Variants in DCHS1 observed in about 807,000 individuals in gnomAD.
The protein encoded by DCHS1 is dachsous cadherin-related 1.
Under a neutral mutation model 213.9 loss-of-function variants are expected in DCHS1, and 78 were observed. The observed-to-expected ratio is 0.36, with a 90% CI of 0.30 to 0.44. DCHS1 has a LOEUF of 0.44. DCHS1 is among the 20% of genes least tolerant of loss of function. The probability of loss-of-function intolerance (pLI) is 1.00; values close to 1 mark genes in which losing one functional copy is unlikely to be tolerated. For missense variants in DCHS1, 3,946 were observed against 4,395.9 expected, an observed-to-expected ratio of 0.90 and a Z score of 2.89; for synonymous variants, 1,828 against 1,873.7, an observed-to-expected ratio of 0.98 and a Z score of 0.63.
chr11:6,649,582 C>T (rs1856214884), intron 1 of DCHS1, among the ~76,000 whole-genome samples: 1 of 152,080 alleles, frequency 6.6e-6, no homozygotes, highest in African/African-American at 2.4e-5. Context: ...TCAACAAATA[C>T]TTGTTGAAGA....
Position 6,634,325 on chromosome 11 carries a change from G to A in DCHS1, c.1798-19C>T. The A allele has an allele frequency of 1.9e-6, 3 of 1,565,448 alleles. No homozygotes were observed. Among genetic ancestry groups the A allele is most frequent in the Non-Finnish European group, 2.6e-6 (3 of 1,153,262 alleles). On this transcript the variant is annotated intron_variant, in intron 2 of 20. Coordinates refer to ENST00000299441, the MANE Select transcript of DCHS1 (RefSeq NM_003737.4). ...CTGTCACCTAGGGAGAGGCTGGGGT[G>A]AGTGGTGTCCCCTCTTCTTTGCCAG...
rs186255064 is a variant in DCHS1, at chr11:6,632,989, C to G, written c.2523G>C (p.Ala841=). 1 of 1,613,758 alleles carries G rather than the reference C, an allele frequency of 6.2e-7. No homozygotes were observed. Among genetic ancestry groups the G allele is most frequent in the African/African-American group, 1.3e-5 (1 of 74,904 alleles). ...GDPRGLFSLD[A]VSGLLQTLRP... Reference sequence around the variant, plus strand: ...GAAGTGTTTGCAACAGTCCTGATACCGCATCTAGGGAGAAGAGTCCTCGGG... The same window carrying G: ...GAAGTGTTTGCAACAGTCCTGATACGGCATCTAGGGAGAAGAGTCCTCGGG... Residue 841 remains alanine, a synonymous_variant, in exon 6 of 21, where the codon GCG becomes GCC. Transcript: ENST00000299441. This position sits in a 1 kb window ranked among gnomAD's most constrained non-coding sequence, Gnocchi z 5.9.
In DCHS1 at chr11:6,628,476, C is replaced by A. The variant is rs1227944098; in HGVS notation, c.5371+145G>T. On this transcript the variant is annotated intron_variant, in intron 13 of 20. Transcript: ENST00000299441. This position sits in a 1 kb window ranked among gnomAD's most constrained non-coding sequence, Gnocchi z 4.3. ...GCATGGAATGAGATACCTAGCTACA[C>A]TGGGTATAAGCATGAAAGAAAAGGT... is the stretch of plus-strand genomic sequence containing the variant. 6 of 782,346 alleles carry A rather than the reference C, an allele frequency of 7.7e-6. No individual in the cohort carries two copies. Among genetic ancestry groups the A allele is most frequent in the South Asian group, 1.7e-5 (1 of 58,894 alleles). The allele number at this position is 782,346 out of a possible 1,614,324, so 48.5% of individuals were successfully genotyped here.
chr11:6,636,932 A>T (rs2659867), intron 2 of DCHS1, among the ~76,000 whole-genome samples: 67,988 of 151,948 alleles, frequency 0.45, 15,387 homozygotes, highest in Non-Finnish European at 0.47. Context: ...CCTAAATCCG[A>T]CCAGCCCAAA....
Position 6,628,275 on chromosome 11 carries a change from T to C in DCHS1, c.5371+346A>G, listed in dbSNP as rs891884300. Among the ~76,000 whole-genome samples, 3 of 152,254 alleles carry C rather than the reference T, an allele frequency of 2.0e-5. No individual in the cohort carries two copies. Among genetic ancestry groups the C allele is most frequent in the African/African-American group, 7.2e-5 (3 of 41,462 alleles). On this transcript the variant is annotated intron_variant, in intron 13 of 20. Coordinates refer to ENST00000299441, the MANE Select transcript of DCHS1 (RefSeq NM_003737.4). This position sits in a 1 kb window ranked among gnomAD's most constrained non-coding sequence, Gnocchi z 4.3. ...TTTTAACATCATCTCAGTTTTATTATCTAATACAGTAAATACTGATATAAT... is the reference window on the plus strand; with the variant it reads ...TTTTAACATCATCTCAGTTTTATTACCTAATACAGTAAATACTGATATAAT...
At position 6,632,762 on chromosome 11, in the gene DCHS1, C is replaced by T. The variant is rs762213705; in HGVS notation, c.2750G>A (p.Arg917Gln). Residue 917 changes from arginine to glutamine, a missense_variant, in exon 6 of 21, where the codon CGG becomes CAG. This residue lies in a region of DCHS1 where 3,384 missense variants were observed against 3,780.1 expected (regional missense o/e 0.90). Transcript: ENST00000299441. The surrounding 1 kb of genome is among the most constrained non-coding windows in gnomAD (Gnocchi z 5.9). ...AACACCTGAGTCGGGGTCAAGAGCCCGCAGTGTATAGATGGGAGTCCCTGG... is the reference window on the plus strand; with the variant it reads ...AACACCTGAGTCGGGGTCAAGAGCCTGCAGTGTATAGATGGGAGTCCCTGG... ...TAPGTPIYTLRALDPDSGVNS... is the reference protein window; with the variant it reads ...TAPGTPIYTLQALDPDSGVNS... 30 of 1,612,832 alleles carry T rather than the reference C, an allele frequency of 1.9e-5. No individual in the cohort carries two copies. The East Asian group carries it at 2.7e-4, about 14-fold the overall frequency.
chr11:6,626,090 G>A lies in DCHS1; in HGVS notation c.6577-16C>T. On this transcript the variant is annotated splice_polypyrimidine_tract_variant and intron_variant, in intron 16 of 20. Transcript: ENST00000299441. This position sits in a 1 kb window ranked among gnomAD's most constrained non-coding sequence, Gnocchi z 5.2. ...CCGCCTCCACCTGGTGAGGGTAGGA[G>A]GCTGCTGGGACTGGTCTGGCCACAG... The A allele has an allele frequency of 1.2e-6, 2 of 1,605,320 alleles. No homozygotes were observed. Among genetic ancestry groups the A allele is most frequent in the Non-Finnish European group, 1.7e-6 (2 of 1,175,888 alleles).
At position 6,625,058 on chromosome 11, in the gene DCHS1, G is replaced by A; in HGVS notation, c.7146+140C>T. On this transcript the variant is annotated intron_variant, in intron 19 of 20. Transcript: ENST00000299441. The surrounding 1 kb of genome is among the most constrained non-coding windows in gnomAD (Gnocchi z 5.3). ...TGGGTACAGGATGCAAAACCAGGAT[G>A]TAGTTCACAGGACTTGGGACCTTCC... The A allele has an allele frequency of 4.4e-6, 6 of 1,376,562 alleles. No individual in the cohort carries two copies. The highest frequency in any genetic ancestry group is 5.9e-6 in the Non-Finnish European group (6 of 1,013,962). The allele number at this position is 1,376,562 out of a possible 1,614,324, so 85.3% of individuals were successfully genotyped here. A position where few individuals can be genotyped will look rare whatever the true frequency, so the allele number is the denominator to read the frequency against.
intron 1 of DCHS1, among the ~76,000 whole-genome samples, chr11:6,646,302 C>G (rs1359060192): frequency 6.6e-6 from 1 of 152,184 alleles, no homozygotes; most frequent in Non-Finnish European, 1.5e-5. Flanking sequence ...CTGTGACCTC[C>G]AGGTCCCTGG....
In DCHS1 at chr11:6,623,640, G is replaced by A; in HGVS notation, c.8036C>T (p.Ala2679Val). 2.5e-6 allele frequency: 4 copies of A among 1,613,804 alleles called. No homozygotes were observed. Among genetic ancestry groups the A allele is most frequent in the Non-Finnish European group, 3.4e-6 (4 of 1,179,884 alleles). ...TQARHQLVVQ[A>V]ADPAGAHFAL... The stretch of plus-strand genomic sequence containing the variant: ...AAAGTGTGCACCAGCAGGGTCAGCA[G>A]CCTGTACTACAAGCTGATGTCGAGC... Residue 2679 changes from alanine to valine, a missense_variant, in exon 21 of 21, where the codon GCT becomes GTT. Around this residue, in one of 3 missense-constraint regions of DCHS1, gnomAD observed 3,384 missense variants for 3,780.1 expected, o/e 0.90. Coordinates refer to ENST00000299441, the MANE Select transcript of DCHS1 (RefSeq NM_003737.4).
Position 6,631,196 on chromosome 11 carries a change from G to A in DCHS1, c.3787C>T (p.Leu1263Phe), listed in dbSNP as rs1041039099. 5.3e-5 allele frequency: 85 copies of A among 1,611,642 alleles called. No homozygotes were observed. Among genetic ancestry groups the A allele is most frequent in the Non-Finnish European group, 7.0e-5 (82 of 1,178,238 alleles). ...CCTGAGTGAGGGTGCAGAGAGAAAA[G>A]CTCTGAGCCAGGACCTGGGGACAGG... ...LYTLTGPGSE[L>F]FSLHPHSGEL... The change falls in exon 9 of 21, where the codon CTT (leucine) becomes TTT (phenylalanine). Residue 1263 changes from leucine to phenylalanine, a missense_variant. Transcript: ENST00000299441.
In DCHS1 at chr11:6,632,239, C is replaced by T. The variant is rs773901787; in HGVS notation, c.3273G>A (p.Val1091=). 6 of 1,613,688 alleles carry T rather than the reference C, an allele frequency of 3.7e-6. No homozygotes were observed. In the South Asian group the frequency reaches 5.5e-5, roughly 15 times the overall value. ...ELGQQTGTAT[V]RVSILNQNEH... ...CATTCTGGTTGAGGATGCTGACCCT[C>T]ACGGTGGCTGTGCCTGTCTGCTGCC... Residue 1091 remains valine, a synonymous_variant, in exon 6 of 21, where the codon GTG becomes GTA. Transcript: ENST00000299441. This position sits in a 1 kb window ranked among gnomAD's most constrained non-coding sequence, Gnocchi z 5.9.
chr11:6,652,116 C>T (rs1164646493), intron 1 of DCHS1, among the ~76,000 whole-genome samples: 1 of 152,178 alleles, frequency 6.6e-6, no homozygotes, highest in Non-Finnish European at 1.5e-5. Flanking sequence ...ACTGAGAGAA[C>T]AGCTAGGAGG....
Position 6,621,646 on chromosome 11 carries a change from G to A in DCHS1, c.*133C>T, listed in dbSNP as rs1855688312. 1.9e-6 allele frequency: 2 copies of A among 1,037,780 alleles called. No homozygotes were observed. The highest frequency in any genetic ancestry group is 1.6e-5 in the African/African-American group (1 of 63,626). 64.3% of individuals were successfully genotyped at this position (1,037,780 alleles called of 1,614,324 possible). ...CTCTGAGGGGGCTGGGGAGTTCAGGGTGGAGAGCTGGGGCCTGGTGGTGGC... is the reference window on the plus strand; with the variant it reads ...CTCTGAGGGGGCTGGGGAGTTCAGGATGGAGAGCTGGGGCCTGGTGGTGGC... On this transcript the variant is annotated 3_prime_UTR_variant, in exon 21 of 21. Transcript: ENST00000299441.
Position 6,629,996 on chromosome 11 carries a change from C to T in DCHS1, c.4795+3G>A. 1 of 1,574,076 alleles carries T rather than the reference C, an allele frequency of 6.4e-7. No homozygotes were observed. The highest frequency in any genetic ancestry group is 8.6e-7 in the Non-Finnish European group (1 of 1,156,158). ...CGCCCTCACTCCCAGACCTAACTCT[C>T]ACCAGTGCTTGAGTGCAGCCGGAAG... is the stretch of plus-strand genomic sequence containing the variant. On this transcript the variant is annotated splice_donor_region_variant and intron_variant, in intron 10 of 20. Transcript: ENST00000299441.
rs1208631968 is a variant in DCHS1, at chr11:6,624,856, C to T, written c.7159G>A (p.Glu2387Lys). ...SQSLYQVMLL[E>K]HTPPGSAILS... is the part of the protein sequence containing the mutation. Reference sequence around the variant, plus strand: ...ATGGCACTGCCTGGGGGTGTGTGCTCAAGCAGCATTACCTGAAGTGTGAGG... The same window carrying T: ...ATGGCACTGCCTGGGGGTGTGTGCTTAAGCAGCATTACCTGAAGTGTGAGG... Residue 2387 changes from glutamate (E) to lysine (K), a missense_variant, in exon 20 of 21, where the codon GAG (glutamate) becomes AAG (lysine). Coordinates refer to ENST00000299441, the MANE Select transcript of DCHS1 (RefSeq NM_003737.4). 3.1e-6 allele frequency: 5 copies of T among 1,613,718 alleles called. No homozygotes were observed. In the African/African-American group the frequency reaches 5.3e-5, roughly 17 times the overall value.
intron 1 of DCHS1, among the ~76,000 whole-genome samples, chr11:6,645,218 G>A (rs1335510552): frequency 6.6e-6 from 1 of 152,222 alleles, no homozygotes; most frequent in Non-Finnish European, 1.5e-5. Flanking sequence ...GGGGTTGTAT[G>A]TGTGCCACAT....
chr11:6,623,207 G>T lies in DCHS1; in HGVS notation c.8469C>A (p.Pro2823=). ...FLAPAFHFQV[P]EGARRGHSLG... ...AGCTGTGGCCACGCCGGGCACCTTC[G>T]GGCACTTGGAAGTGGAAAGCTGGTG... The change falls in exon 21 of 21, where the codon CCC becomes CCA. Residue 2823 remains proline (P), a synonymous_variant. Coordinates refer to ENST00000299441, the MANE Select transcript of DCHS1 (RefSeq NM_003737.4). 1 of 1,600,724 alleles carries T rather than the reference G, an allele frequency of 6.2e-7. No individual in the cohort carries two copies. Among genetic ancestry groups the T allele is most frequent in the Non-Finnish European group, 8.5e-7 (1 of 1,173,494 alleles).
chr11:6,651,372 G>A (rs909421721), intron 1 of DCHS1, among the ~76,000 whole-genome samples: 1 of 152,188 alleles, frequency 6.6e-6, no homozygotes, highest in Non-Finnish European at 1.5e-5. Context: ...ATTCAGTATG[G>A]CTGAAACTCA....
Sources: allele counts gnomAD v4.1 joint callset (sites outside exome capture counted in the v4.1 genomes callset), GRCh38; gene constraint gnomAD v4.1.1; regional missense constraint gnomAD v4.1.1; non-coding constraint Gnocchi (gnomAD v3.1); transcripts MANE v1.5; gene names NCBI Gene and HGNC (gene_info 2026-07-23, HGNC 2026-07-21).